Variants in ZBTB8OS observed in about 807,000 individuals in gnomAD.
The protein encoded by ZBTB8OS is tRNA splicing ligase complex subunit 1.
In ZBTB8OS, 16 loss-of-function variants were observed where a neutral mutation model predicts 29.3. That is an observed-to-expected ratio of 0.55 (90% CI 0.37 to 0.83). ZBTB8OS has a LOEUF of 0.83. ZBTB8OS is among the 40% of genes least tolerant of loss of function. The pLI is 0.00. For missense variants in ZBTB8OS, 160 were observed against 196.9 expected (o/e 0.81, Z 1.12); for synonymous variants, 70 against 64.6 (o/e 1.08, Z -0.40).
At chr1:32,638,597 T>A (rs1764881) in intron 1 of ZBTB8OS, among the ~76,000 whole-genome samples, 130,723 of 152,170 alleles carry the variant, frequency 0.86, 57,798 homozygotes, top group Non-Finnish European at 0.96. Flanking sequence ...AAAAGATTTT[T>A]AAATACGTAT....
At chr1:32,621,996 T>G (rs770392184) in intron 6 of ZBTB8OS, 48 bp from the exon 7 acceptor site, 1 of 1,318,464 alleles carries the variant, frequency 7.6e-7, no homozygotes, top group East Asian at 2.4e-5. Flanking sequence ...AAATAGGATA[T>G]TGAAATCATA....
rs1384880553 is a variant in ZBTB8OS, at chr1:32,620,913, C to T, written c.*949G>A. 6.6e-6 allele frequency: 1 copy of T among 152,164 alleles called. No individual in the cohort carries two copies. The highest frequency in any genetic ancestry group is 1.5e-5 in the Non-Finnish European group (1 of 68,032). 9.4% of individuals were successfully genotyped at this position (152,164 alleles called of 1,614,324 possible). On this transcript the variant is annotated 3_prime_UTR_variant, in exon 7 of 7. Coordinates refer to ENST00000468695, the MANE Select transcript of ZBTB8OS (RefSeq NM_178547.5). ...TAGAAGGAAAGGTCTCTTTGTAAGG[C>T]ATAGTATTGACTTTTTCTTATGAGA...
At chr1:32,639,273 G>T (rs1011760247) in intron 1 of ZBTB8OS, among the ~76,000 whole-genome samples, 5 of 150,594 alleles carry the variant, frequency 3.3e-5, no homozygotes, top group African/African-American at 1.2e-4. Flanking sequence ...ACTCCAGCCT[G>T]GGCAACAGAG....
At chr1:32,634,162 A>C (rs1239173015) in intron 2 of ZBTB8OS, 90 bp from the exon 3 acceptor site, 44 of 1,212,954 alleles carry the variant, frequency 3.6e-5, no homozygotes, top group Non-Finnish European at 4.3e-5. Context: ...ATTCAGTATG[A>C]TAAATACAAA....
At position 32,648,090 on chromosome 1, in the gene ZBTB8OS, C is replaced by A. The variant is rs554884269; in HGVS notation, c.97+2343G>T. ...AGGGCTAAGAATATTAACATACACA[C>A]CCCAGAATGGGAAATACAAATAGCT... On this transcript the variant is annotated intron_variant, in intron 1 of 6. Transcript: ENST00000468695. Among the ~76,000 whole-genome samples the A allele has an allele frequency of 2.7e-3, 414 of 151,918 alleles. 1 individual carries two copies. Among genetic ancestry groups the A allele is most frequent in the Admixed American group, 8.3e-3 (126 of 15,260 alleles).
At position 32,621,958 on chromosome 1, in the gene ZBTB8OS, G is replaced by T; in HGVS notation, c.418-10C>A. On this transcript the variant is annotated splice_polypyrimidine_tract_variant and intron_variant, in intron 6 of 6. Transcript: ENST00000468695. ...CTTTGACTTCTGTTCCCTAAAGTTG[G>T]GGTTAGAGAAAAAAAAAAAAAAAAG... The T allele has an allele frequency of 6.5e-7, 1 of 1,527,996 alleles. No homozygotes were observed. The allele number at this position is 1,527,996 out of a possible 1,614,324, so 94.7% of individuals were successfully genotyped here. A position where few individuals can be genotyped will look rare whatever the true frequency, so the allele number is the denominator to read the frequency against.
intron 1 of ZBTB8OS, among the ~76,000 whole-genome samples, chr1:32,638,502 T>C (rs1028347844): frequency 6.6e-6 from 1 of 152,150 alleles, no homozygotes; most frequent in Admixed American, 6.6e-5. Flanking sequence ...GAATTCTTTA[T>C]TCTCCTAAAA....
Position 32,628,635 on chromosome 1 carries a change from C to CA in ZBTB8OS, c.381-1092dup, listed in dbSNP as rs1173552538. Among the ~76,000 whole-genome samples, 438 of 108,392 alleles carry CA rather than the reference C, an allele frequency of 4.0e-3. 1 individual carries two copies. The highest frequency in any genetic ancestry group is 7.4e-3 in the African/African-American group (210 of 28,334). The allele number at this position is 108,392 out of a possible 152,430, so 71.1% of individuals were successfully genotyped here. ...TGGGCAACAGAGCGAGACTCTGTCT[C>CA]AAAAAAAAAAAAAAATTTAATTCTA... On this transcript the variant is annotated intron_variant, in intron 5 of 6. Transcript: ENST00000468695.
rs531631807 is a variant in ZBTB8OS, at chr1:32,630,403, AT to A, written c.380+1423del. On this transcript the variant is annotated intron_variant, in intron 5 of 6. Transcript: ENST00000468695. ...CAAGACTCTGTCTCAACAACAACAA[AT>A]TAGCTGGGCATGGTAGTGCGCACCT... Among the ~76,000 whole-genome samples, 467 of 151,806 alleles carry A rather than the reference AT, an allele frequency of 3.1e-3. 4 individuals are homozygous for A. The highest frequency in any genetic ancestry group is 0.011 in the African/African-American group (443 of 41,370).
chr1:32,641,995 C>T (rs751417958), intron 1 of ZBTB8OS, among the ~76,000 whole-genome samples: 1 of 152,084 alleles, frequency 6.6e-6, no homozygotes, highest in Non-Finnish European at 1.5e-5. Flanking sequence ...ATTATGACAA[C>T]TAAACTCTGA....
At chr1:32,625,257 C>A (rs928665513) in intron 6 of ZBTB8OS, among the ~76,000 whole-genome samples, 8 of 147,466 alleles carry the variant, frequency 5.4e-5, no homozygotes, top group Admixed American at 2.7e-4. Context: ...ATAAAAAAAA[C>A]TGTTGGCTGG....
chr1:32,647,266 CAAAAA>C (rs71006348), intron 1 of ZBTB8OS, among the ~76,000 whole-genome samples: 29 of 134,552 alleles, frequency 2.2e-4, no homozygotes, highest in African/African-American at 8.6e-4. Flanking sequence ...TACTCTGTCT[CAAAAA>C]AAAAAAAAAA....
chr1:32,647,041 C>CA lies in ZBTB8OS; in HGVS notation c.97+3391dup, dbSNP rs71006347. ...TGGGAGACAGAGCAAGATACTGTCTCAAAAAAAAAAAAAAAAAAAAAAAAA... is the reference window on the plus strand; with the variant it reads ...TGGGAGACAGAGCAAGATACTGTCTCAAAAAAAAAAAAAAAAAAAAAAAAAA... On this transcript the variant is annotated intron_variant, in intron 1 of 6. Transcript: ENST00000468695. Among the ~76,000 whole-genome samples, 220 of 39,370 alleles carry CA rather than the reference C, an allele frequency of 5.6e-3. 31 individuals carry two copies. The highest frequency in any genetic ancestry group is 0.013 in the African/African-American group (134 of 10,190). 25.8% of individuals were successfully genotyped at this position (39,370 alleles called of 152,430 possible). A position where few individuals can be genotyped will look rare whatever the true frequency, so the allele number is the denominator to read the frequency against.
At chr1:32,650,696 T>C, upstream of ZBTB8OS, 4 of 1,284,126 alleles carry the variant, frequency 3.1e-6, no homozygotes, top group Non-Finnish European at 4.3e-6. Context: ...GCCGCTTGGA[T>C]CGCATATTTA....
intron 1 of ZBTB8OS, among the ~76,000 whole-genome samples, chr1:32,648,470 C>G (rs1647021296): frequency 6.6e-6 from 1 of 152,076 alleles, no homozygotes; most frequent in African/African-American, 2.4e-5. Flanking sequence ...GTAGAAATAG[C>G]CTAAACGTCC....
intron 1 of ZBTB8OS, among the ~76,000 whole-genome samples, chr1:32,647,907 A>C (rs761118255): frequency 4.0e-5 from 6 of 151,860 alleles, no homozygotes; most frequent in Non-Finnish European, 7.4e-5. Flanking sequence ...CTCCCCTACA[A>C]CCCCCGTTGG....
chr1:32,636,525 C>T lies in ZBTB8OS; in HGVS notation c.98-1733G>A, dbSNP rs192847066. On this transcript the variant is annotated intron_variant, in intron 1 of 6. Transcript: ENST00000468695. ...CCAACATGATGAAAGCTTGTCTCTA[C>T]TAAAAACACAAAAACTTAGCTGGGC... is the stretch of plus-strand genomic sequence containing the variant. 5.9e-3 allele frequency among the ~76,000 whole-genome samples: 892 copies of T among 152,028 alleles called. 11 individuals carry two copies. The highest frequency in any genetic ancestry group is 6.7e-3 in the Non-Finnish European group (453 of 68,008).
At position 32,620,919 on chromosome 1, in the gene ZBTB8OS, A is replaced by G. The variant is rs1346074222; in HGVS notation, c.*943T>C. The G allele has an allele frequency of 6.6e-6, 1 of 152,220 alleles. No individual in the cohort carries two copies. Among genetic ancestry groups the G allele is most frequent in the Non-Finnish European group, 1.5e-5 (1 of 68,042 alleles). The allele number at this position is 152,220 out of a possible 1,614,324, so 9.4% of individuals were successfully genotyped here. ...GAAAGGTCTCTTTGTAAGGCATAGT[A>G]TTGACTTTTTCTTATGAGAAAACAG... On this transcript the variant is annotated 3_prime_UTR_variant, in exon 7 of 7. Transcript: ENST00000468695.
chr1:32,636,801 G>A (rs963760981), intron 1 of ZBTB8OS, among the ~76,000 whole-genome samples: 1 of 151,890 alleles, frequency 6.6e-6, no homozygotes, highest in South Asian at 2.1e-4. Context: ...TCATGGCCAG[G>A]AGAATATGTT....
Sources: gnomAD v4.1 joint callset for allele counts (sites outside exome capture counted in the v4.1 genomes callset) on GRCh38, gnomAD v4.1.1 for gene constraint, MANE v1.5 for transcripts, NCBI Gene and HGNC (gene_info 2026-07-23, HGNC 2026-07-21) for gene names.